ANKRD54: variants seen among roughly 807,000 people sequenced by gnomAD.
The protein encoded by ANKRD54 is ankyrin repeat domain 54.
ANKRD54 carries 26 observed loss-of-function variants against 36.2 expected under a neutral mutation model. The ratio of observed to expected loss-of-function variants is 0.72; its 90% CI spans 0.53 to 1.00. ANKRD54 has a LOEUF of 1.00. Among genes scored for constraint, ANKRD54 ranks in the 50% least tolerant of loss-of-function variants. The pLI is 0.00. For missense variants in ANKRD54, 384 were observed against 424.3 expected, an observed-to-expected ratio of 0.91 and a Z score of 0.83; for synonymous variants, 209 against 188.4, an observed-to-expected ratio of 1.11 and a Z score of -0.89.
chr22:37,832,805 G>A lies in ANKRD54; in HGVS notation c.721-61C>T, dbSNP rs1923058618. On this transcript the variant is annotated intron_variant, in intron 6 of 7. Transcript: ENST00000215941. ...CTAGGGAGGCAGACAGGCTGATGCT[G>A]CTTCCAAAAAGCACAGTGGAGCAGG... The A allele has an allele frequency of 1.0e-5, 16 of 1,606,126 alleles. No homozygotes were observed. In the Admixed American group the frequency reaches 2.2e-4, roughly 22 times the overall value.
chr22:37,844,544 T>C (rs1462420740), upstream of ANKRD54: 3 of 348,210 alleles, frequency 8.6e-6, no homozygotes, highest in South Asian at 9.8e-5. Flanking sequence ...GAAGTGACCT[T>C]GGCTTTCGCT....
At position 37,831,702 on chromosome 22, in the gene ANKRD54, G is replaced by T. The variant is rs548310770; in HGVS notation, c.*241C>A. The T allele has an allele frequency of 2.7e-5, 15 of 562,224 alleles. No homozygotes were observed. The highest frequency in any genetic ancestry group is 3.2e-6 in the Non-Finnish European group (1 of 313,172). 34.8% of individuals were successfully genotyped at this position (562,224 alleles called of 1,614,324 possible). A position where few individuals can be genotyped will look rare whatever the true frequency, so the allele number is the denominator to read the frequency against. On this transcript the variant is annotated 3_prime_UTR_variant, in exon 8 of 8. Coordinates refer to ENST00000215941, the MANE Select transcript of ANKRD54 (RefSeq NM_138797.4). ...CAGCTGCAGAGGCTGGTCTGGTGCT[G>T]CGAGAACTGGAAGAAGCTGGGAGCT...
At chr22:37,835,583 G>A (rs62235087) in intron 3 of ANKRD54, among the ~76,000 whole-genome samples, 4,796 of 152,260 alleles carry the variant, frequency 0.031, 112 homozygotes, top group Non-Finnish European at 0.051. Flanking sequence ...AAGGTGACAG[G>A]ATCGCCTGAG....
At chr22:37,840,303 A>C in intron 1 of ANKRD54, 69 bp from the exon 2 acceptor site, 1 of 1,560,096 alleles carries the variant, frequency 6.4e-7, no homozygotes, top group Non-Finnish European at 8.8e-7. Context: ...TCATGCCTAT[A>C]ATCCCAGCAC....
chr22:37,848,634 C>T (rs1281382579), upstream of ANKRD54: 3 of 152,040 alleles, frequency 2.0e-5, no homozygotes, highest in Non-Finnish European at 4.4e-5. Flanking sequence ...GATCTCAGAT[C>T]ATCCACCCGC....
intron 2 of ANKRD54, 22 bp from the exon 3 acceptor site, chr22:37,838,620 GAGGAA>G (rs1923832409): frequency 1.9e-6 from 3 of 1,597,842 alleles, no homozygotes. Flanking sequence ...AAGACAGAGG[GAGGAA>G]GGGGGAGAAA....
At chr22:37,841,264 G>A (rs1002282534) in intron 1 of ANKRD54, among the ~76,000 whole-genome samples, 3 of 152,110 alleles carry the variant, frequency 2.0e-5, no homozygotes, top group Middle Eastern at 3.4e-3. Flanking sequence ...GGTGACTCAC[G>A]CCTGTAATCC....
chr22:37,839,735 GTCTCAAAC>G lies in ANKRD54; in HGVS notation c.376+444_376+451del, dbSNP rs1341837103. 7.2e-5 allele frequency among the ~76,000 whole-genome samples: 11 copies of G among 151,882 alleles called. No homozygotes were observed. In the East Asian group the frequency reaches 1.9e-3, roughly 27 times the overall value. ...AGGTCTCCCTATGTTGTCCAGGCTG[GTCTCAAAC>G]TCCTGAGCCCAAGTGATCCTCTTGC... is the stretch of plus-strand genomic sequence containing the variant. On this transcript the variant is annotated intron_variant, in intron 2 of 7. Transcript: ENST00000215941.
At chr22:37,832,081 C>T (rs1272567453) in intron 7 of ANKRD54, 64 bp from the exon 8 acceptor site, 1 of 1,471,708 alleles carries the variant, frequency 6.8e-7, no homozygotes, top group Admixed American at 1.9e-5. Flanking sequence ...TGGGTCTCTT[C>T]CACAATCCCA....
chr22:37,840,072 G>A (rs1924030538), intron 2 of ANKRD54, 115 bp downstream of exon 2: 14 of 1,219,600 alleles, frequency 1.1e-5, no homozygotes, highest in Non-Finnish European at 1.6e-5. Context: ...AATACAGTGA[G>A]CCTGCTCCAA....
At chr22:37,832,105 C>T in intron 7 of ANKRD54, 88 bp from the exon 8 acceptor site, 2 of 1,270,800 alleles carry the variant, frequency 1.6e-6, no homozygotes, top group Non-Finnish European at 2.2e-6. Flanking sequence ...GCACAGAACA[C>T]AGGCACGGTC....
chr22:37,843,504 T>C (rs892268012), intron 1 of ANKRD54: 5 of 156,354 alleles, frequency 3.2e-5, no homozygotes, highest in Non-Finnish European at 7.0e-5. Flanking sequence ...TCATTTGCCC[T>C]AAGGTCTAAC....
intron 1 of ANKRD54, among the ~76,000 whole-genome samples, chr22:37,841,027 A>C (rs974887923): frequency 5.4e-5 from 8 of 148,254 alleles, no homozygotes; most frequent in Non-Finnish European, 1.0e-4. Context: ...GGCTACAGTG[A>C]GATGAGATCA....
chr22:37,847,567 G>T, upstream of ANKRD54: 1 of 425,314 alleles, frequency 2.4e-6, no homozygotes, highest in East Asian at 7.8e-5. Context: ...TGGAAGATGA[G>T]GGTTGGTTAG....
At position 37,836,295 on chromosome 22, in the gene ANKRD54, A is replaced by T. The variant is rs191143720; in HGVS notation, c.475+2205T>A. 5.2e-3 allele frequency among the ~76,000 whole-genome samples: 782 copies of T among 150,560 alleles called. 5 individuals are homozygous for T. The highest frequency in any genetic ancestry group is 7.1e-3 in the Non-Finnish European group (479 of 67,506). ...AACCCGGTCTCCACTAAAAATACAA[A>T]ATTAGCCGGGCGTAGTGGCGCATGC... On this transcript the variant is annotated intron_variant, in intron 3 of 7. Transcript: ENST00000215941.
At chr22:37,835,365 TA>T (rs1453350754) in intron 3 of ANKRD54, among the ~76,000 whole-genome samples, 1 of 151,536 alleles carries the variant, frequency 6.6e-6, no homozygotes, top group Non-Finnish European at 1.5e-5. Flanking sequence ...CTGTCTCAAA[TA>T]AATAAATAAA....
At chr22:37,837,323 G>T (rs1923678453) in intron 3 of ANKRD54, among the ~76,000 whole-genome samples, 1 of 152,100 alleles carries the variant, frequency 6.6e-6, no homozygotes, top group African/African-American at 2.4e-5. Flanking sequence ...GAGGATAGAT[G>T]AGTGTTTACA....
intron 2 of ANKRD54, 120 bp from the exon 3 acceptor site, chr22:37,838,718 T>C: frequency 2.2e-6 from 2 of 927,666 alleles, no homozygotes; most frequent in Non-Finnish European, 3.2e-6. Context: ...CGACAATGCA[T>C]AGGAAAGCAG....
intron 1 of ANKRD54, 21 bp downstream of exon 1, chr22:37,843,890 C>T (rs1355634818): frequency 2.5e-6 from 3 of 1,212,814 alleles, no homozygotes; most frequent in Non-Finnish European, 3.1e-6. Context: ...CCCGGGCCCC[C>T]GCGCCGCTCG....
Sources: allele counts gnomAD v4.1 joint callset (sites outside exome capture counted in the v4.1 genomes callset), GRCh38; gene constraint gnomAD v4.1.1; transcripts MANE v1.5; gene names NCBI Gene and HGNC (gene_info 2026-07-23, HGNC 2026-07-21).